KCNJ15: variants seen among roughly 807,000 people sequenced by gnomAD.
The protein encoded by KCNJ15 is potassium inwardly rectifying channel subfamily J member 15, also known as ATP-sensitive inward rectifier potassium channel 15.
Under a neutral mutation model 23.0 loss-of-function variants are expected in KCNJ15, and 14 were observed. The ratio of observed to expected loss-of-function variants is 0.61; its 90% CI spans 0.40 to 0.95. The LOEUF (loss-of-function observed/expected upper bound fraction) is 0.95. Ranked by LOEUF, KCNJ15 falls within the 40% of genes least tolerant of loss-of-function variation. KCNJ15 has a pLI of 0.00. For missense variants in KCNJ15, 388 were observed against 461.8 expected, an observed-to-expected ratio of 0.84 and a Z score of 1.46; for synonymous variants, 185 against 183.2, an observed-to-expected ratio of 1.01 and a Z score of -0.08.
chr21:38,290,950 C>T (rs1984536409), intron 1 of KCNJ15, among the ~76,000 whole-genome samples: 2 of 145,904 alleles, frequency 1.4e-5, no homozygotes, highest in South Asian at 4.5e-4. Context: ...AGAGTTTAGA[C>T]CAGATCAGCA....
intron 1 of KCNJ15, among the ~76,000 whole-genome samples, chr21:38,238,943 A>C (rs963842331): frequency 2.0e-5 from 3 of 152,184 alleles, no homozygotes; most frequent in Admixed American, 2.0e-4. Context: ...TGCAGTTGAA[A>C]AGCAAGTCAC....
intron 1 of KCNJ15, among the ~76,000 whole-genome samples, chr21:38,248,424 C>G (rs183437334): frequency 3.3e-5 from 5 of 152,294 alleles, no homozygotes; most frequent in Admixed American, 3.3e-4. Flanking sequence ...TTCCTAGGAA[C>G]AAGCTAATTA....
chr21:38,268,144 A>T (rs751039786), intron 1 of KCNJ15, among the ~76,000 whole-genome samples: 30 of 152,332 alleles, frequency 2.0e-4, no homozygotes, highest in Admixed American at 2.0e-4. Context: ...AATTGCTGCA[A>T]TGATTAAAGC....
At chr21:38,284,567 G>C (rs1364303533) in intron 1 of KCNJ15, among the ~76,000 whole-genome samples, 2 of 152,186 alleles carry the variant, frequency 1.3e-5, no homozygotes, top group East Asian at 1.9e-4. Context: ...ATCTATGTTT[G>C]ACTCTTTCCA....
intron 1 of KCNJ15, among the ~76,000 whole-genome samples, chr21:38,232,916 T>C (rs1003506793): frequency 1.1e-4 from 17 of 152,028 alleles, no homozygotes; most frequent in African/African-American, 4.1e-4. Context: ...AAAGAAGATG[T>C]ATATTCTACT....
At chr21:38,273,211 A>G (rs1353022241) in intron 1 of KCNJ15, among the ~76,000 whole-genome samples, 1 of 152,234 alleles carries the variant, frequency 6.6e-6, no homozygotes, top group Non-Finnish European at 1.5e-5. Flanking sequence ...ATGAAACAAC[A>G]GTAGCTAGCT....
intron 1 of KCNJ15, among the ~76,000 whole-genome samples, chr21:38,257,900 A>G (rs1980433050): frequency 6.6e-6 from 1 of 152,246 alleles, no homozygotes; most frequent in African/African-American, 2.4e-5. Flanking sequence ...CTTGAAGGAA[A>G]TAAGAATTTA....
At chr21:38,260,183 G>GA (rs36017859) in intron 1 of KCNJ15, among the ~76,000 whole-genome samples, 115,900 of 151,936 alleles carry the variant, frequency 0.76, 44,841 homozygotes, top group African/African-American at 0.89. Flanking sequence ...TGAAATGAAA[G>GA]AAAAAAATGA....
chr21:38,238,189 G>A (rs1978745771), intron 1 of KCNJ15: 2 of 449,338 alleles, frequency 4.5e-6, no homozygotes, highest in Non-Finnish European at 8.5e-6. Context: ...CAGTTGGGAA[G>A]CTCTACCTTC....
intron 1 of KCNJ15, among the ~76,000 whole-genome samples, chr21:38,281,473 A>G (rs1461999363): frequency 6.6e-6 from 1 of 152,004 alleles, no homozygotes; most frequent in Non-Finnish European, 1.5e-5. Flanking sequence ...ATTTATCTCC[A>G]TGTGTGCTCA....
At position 38,299,750 on chromosome 21, in the gene KCNJ15, C is replaced by A; in HGVS notation, c.489C>A (p.Thr163=). 1 of 1,614,138 alleles carries A rather than the reference C, an allele frequency of 6.2e-7. No homozygotes were observed. Residue 163 remains threonine, a synonymous_variant, in exon 3 of 3, where the codon ACC becomes ACA. Transcript: ENST00000398938. The surrounding 1 kb of genome is among the most constrained non-coding windows in gnomAD (Gnocchi z 4.5). ...TTLIEIFITG[T]FLAKIARPKK... The stretch of plus-strand genomic sequence containing the variant: ...TGATTGAGATCTTCATCACCGGAAC[C>A]TTCCTGGCCAAAATCGCCAGACCCA...
At chr21:38,243,653 C>G (rs939929093) in intron 1 of KCNJ15, among the ~76,000 whole-genome samples, 2 of 152,186 alleles carry the variant, frequency 1.3e-5, no homozygotes, top group Non-Finnish European at 2.9e-5. Flanking sequence ...AGCTCCTGAC[C>G]TCAGGTGATC....
chr21:38,288,026 CTTTGTTTT>C lies in KCNJ15; in HGVS notation c.-116-8896_-116-8889del, dbSNP rs1984124092. On this transcript the variant is annotated intron_variant, in intron 1 of 2. Transcript: ENST00000398938. The stretch of plus-strand genomic sequence containing the variant: ...CCATTGTTAAATAACTTGTTTTTTT[CTTTGTTTT>C]TTTTTTTTTTTTTTTTTTTTTTTTG... 1.5e-4 allele frequency among the ~76,000 whole-genome samples: 12 copies of C among 78,206 alleles called. 4 individuals are homozygous for C. The highest frequency in any genetic ancestry group is 1.2e-3 in the Admixed American group (6 of 4,958). The allele number at this position is 78,206 out of a possible 152,430, so 51.3% of individuals were successfully genotyped here. A position where few individuals can be genotyped will look rare whatever the true frequency, so the allele number is the denominator to read the frequency against.
upstream of KCNJ15, among the ~76,000 whole-genome samples, chr21:38,253,809 G>T (rs1479232739): frequency 6.6e-6 from 1 of 152,004 alleles, no homozygotes; most frequent in African/African-American, 2.4e-5. Context: ...GAAAAATCCA[G>T]ACTTCTATGT....
Position 38,300,488 on chromosome 21 carries a change from C to T in KCNJ15, c.*99C>T. 1 of 1,053,526 alleles carries T rather than the reference C, an allele frequency of 9.5e-7. No individual in the cohort carries two copies. Among genetic ancestry groups the T allele is most frequent in the East Asian group, 2.4e-5 (1 of 41,094 alleles). The allele number at this position is 1,053,526 out of a possible 1,614,324, so 65.3% of individuals were successfully genotyped here. On this transcript the variant is annotated 3_prime_UTR_variant, in exon 3 of 3. Transcript: ENST00000398938. ...CTGTGAAAACGAAAATGTGTAGACG[C>T]ACTCTCAAAAACTGCACGGACATAC...
At chr21:38,282,611 A>T (rs550020463) in intron 1 of KCNJ15, among the ~76,000 whole-genome samples, 1 of 152,236 alleles carries the variant, frequency 6.6e-6, no homozygotes, top group East Asian at 1.9e-4. Context: ...CCTCTCTGGG[A>T]TTCCTCTCTG....
intron 1 of KCNJ15, among the ~76,000 whole-genome samples, chr21:38,271,293 C>T (rs978727203): frequency 1.3e-5 from 2 of 152,158 alleles, no homozygotes; most frequent in Non-Finnish European, 2.9e-5. Flanking sequence ...AACTGAAGCT[C>T]GGAGGGGCTG....
intron 1 of KCNJ15, among the ~76,000 whole-genome samples, chr21:38,232,780 T>C (rs1978358804): frequency 6.6e-6 from 1 of 151,934 alleles, no homozygotes; most frequent in Admixed American, 6.5e-5. Context: ...CTATTATTAA[T>C]TTCTGATTTG....
chr21:38,280,607 C>A (rs1198757968), intron 1 of KCNJ15, among the ~76,000 whole-genome samples: 1 of 152,148 alleles, frequency 6.6e-6, no homozygotes, highest in South Asian at 2.1e-4. Flanking sequence ...TGGTTTCCAG[C>A]TATGTTTCCC....
Sources: allele counts gnomAD v4.1 joint callset (sites outside exome capture counted in the v4.1 genomes callset), GRCh38; gene constraint gnomAD v4.1.1; non-coding constraint Gnocchi (gnomAD v3.1); transcripts MANE v1.5; gene names NCBI Gene and HGNC (gene_info 2026-07-23, HGNC 2026-07-21).